Variants in RSPO2 observed in about 807,000 individuals in gnomAD.
RSPO2 encodes the protein R-spondin-2.
A neutral mutation model predicts 30.9 loss-of-function variants in RSPO2; 14 were observed. The ratio of observed to expected loss-of-function variants is 0.45; its 90% CI spans 0.30 to 0.71. The LOEUF (loss-of-function observed/expected upper bound fraction) is 0.71, where lower values mean the gene tolerates loss of function less well. RSPO2 is among the 30% of genes least tolerant of loss of function. The pLI is 0.08. For synonymous variants in RSPO2, 107 were observed against 96.4 expected, an observed-to-expected ratio of 1.11 and a Z score of -0.64; for missense variants, 264 against 301.9, an observed-to-expected ratio of 0.87 and a Z score of 0.93.
In RSPO2 at chr8:107,921,749, A is replaced by C. The variant is rs150930481; in HGVS notation, c.617-20559T>G. Among the ~76,000 whole-genome samples, 11 of 152,322 alleles carry C rather than the reference A, an allele frequency of 7.2e-5. No homozygotes were observed. The East Asian group carries it at 2.1e-3, about 29-fold the overall frequency. On this transcript the variant is annotated intron_variant, in intron 5 of 5. Transcript: ENST00000276659. Reference sequence around the variant, plus strand: ...GAATCCAAAGCATATCAAACAGCTTATCCACCATGATCAAGTAGCTTTTAT... The same window carrying C: ...GAATCCAAAGCATATCAAACAGCTTCTCCACCATGATCAAGTAGCTTTTAT...
At chr8:108,049,446 T>C (rs1812013757) in intron 2 of RSPO2, among the ~76,000 whole-genome samples, 1 of 151,896 alleles carries the variant, frequency 6.6e-6, no homozygotes, top group Non-Finnish European at 1.5e-5. Flanking sequence ...TGCAGGTTTG[T>C]TACATAGGTC....
chr8:108,007,894 T>C (rs6469154), intron 2 of RSPO2, among the ~76,000 whole-genome samples: 56,130 of 151,716 alleles, frequency 0.37, 11,369 homozygotes, highest in African/African-American at 0.52. Flanking sequence ...GCACCATAAT[T>C]AGGCCTGTGA....
intron 2 of RSPO2, 63 bp from the exon 3 acceptor site, chr8:107,989,307 C>A: frequency 9.7e-7 from 1 of 1,032,048 alleles, no homozygotes; most frequent in East Asian, 2.8e-5. Flanking sequence ...GGTAAATACA[C>A]CTGCTGAAAA....
At chr8:107,925,650 T>C (rs1309316188) in intron 5 of RSPO2, among the ~76,000 whole-genome samples, 2 of 151,474 alleles carry the variant, frequency 1.3e-5, no homozygotes, top group Admixed American at 6.6e-5. Context: ...TGAGAACATG[T>C]GGTGTTTGGT....
At chr8:108,064,179 C>T (rs200329974) in intron 2 of RSPO2, among the ~76,000 whole-genome samples, 6 of 151,886 alleles carry the variant, frequency 4.0e-5, no homozygotes, top group Non-Finnish European at 8.8e-5. Flanking sequence ...ATTGACAAAT[C>T]GGATCTAATT....
chr8:107,958,368 T>A (rs1433096591), intron 4 of RSPO2, 100 bp from the exon 5 acceptor site: 1 of 895,940 alleles, frequency 1.1e-6, no homozygotes, highest in South Asian at 1.7e-5. Flanking sequence ...GTTCCTTCAC[T>A]AACCCCACCT....
At chr8:108,043,786 C>A (rs1811827998) in intron 2 of RSPO2, among the ~76,000 whole-genome samples, 1 of 151,890 alleles carries the variant, frequency 6.6e-6, no homozygotes, top group South Asian at 2.1e-4. Flanking sequence ...GCTGTCCGAG[C>A]AGGGATGAGG....
intron 2 of RSPO2, among the ~76,000 whole-genome samples, chr8:108,081,287 C>G (rs920935301): frequency 6.6e-6 from 1 of 152,040 alleles, no homozygotes; most frequent in Non-Finnish European, 1.5e-5. Context: ...TCCTAAAAAG[C>G]CATCAAAAAA....
intron 2 of RSPO2, among the ~76,000 whole-genome samples, chr8:108,000,880 T>C (rs1171852572): frequency 6.6e-6 from 1 of 151,986 alleles, no homozygotes; most frequent in Non-Finnish European, 1.5e-5. Flanking sequence ...TGGGCGCCTG[T>C]AGTCCCAGCT....
At chr8:108,039,062 C>A (rs916359610) in intron 2 of RSPO2, among the ~76,000 whole-genome samples, 1 of 152,100 alleles carries the variant, frequency 6.6e-6, no homozygotes, top group African/African-American at 2.4e-5. Flanking sequence ...ATCAGTAGAT[C>A]AGTCTTCTAG....
chr8:108,006,954 A>G (rs1279353246), intron 2 of RSPO2, among the ~76,000 whole-genome samples: 1 of 152,164 alleles, frequency 6.6e-6, no homozygotes, highest in Non-Finnish European at 1.5e-5. Flanking sequence ...ACACCACCCT[A>G]TATTCTTCAG....
chr8:108,022,752 G>T (rs548900520), intron 2 of RSPO2, among the ~76,000 whole-genome samples: 1 of 151,704 alleles, frequency 6.6e-6, no homozygotes, highest in South Asian at 2.1e-4. Flanking sequence ...ATGGAGAAAC[G>T]CCATCTCTAC....
intron 5 of RSPO2, among the ~76,000 whole-genome samples, chr8:107,933,476 ATG>A (rs984397388): frequency 1.3e-5 from 2 of 151,988 alleles, no homozygotes; most frequent in African/African-American, 2.4e-5. Flanking sequence ...CTCTCTCTAT[ATG>A]TGTGTGTGTG....
intron 2 of RSPO2, among the ~76,000 whole-genome samples, chr8:108,069,362 C>T (rs1227131754): frequency 1.3e-5 from 2 of 152,110 alleles, no homozygotes; most frequent in Non-Finnish European, 2.9e-5. Flanking sequence ...TACAGGCATG[C>T]ACCACCCCAC....
intron 3 of RSPO2, among the ~76,000 whole-genome samples, chr8:107,968,392 A>G (rs2130463296): frequency 6.6e-6 from 1 of 152,252 alleles, no homozygotes; most frequent in South Asian, 2.1e-4. Flanking sequence ...TGGGAGCTAA[A>G]AAAGTAGATC....
intron 2 of RSPO2, among the ~76,000 whole-genome samples, chr8:108,069,259 G>A (rs13274011): frequency 0.3 from 46,050 of 151,862 alleles, 7,815 homozygotes; most frequent in African/African-American, 0.46. Context: ...TGTTGCCCAG[G>A]CTGGAGTGCA....
intron 5 of RSPO2, among the ~76,000 whole-genome samples, chr8:107,952,348 A>C (rs955561682): frequency 6.6e-6 from 1 of 152,082 alleles, no homozygotes; most frequent in Non-Finnish European, 1.5e-5. Flanking sequence ...TAGCCGGAGT[A>C]CCTGGAAAAT....
chr8:108,082,824 G>A lies in RSPO2; in HGVS notation c.-169-17C>T, dbSNP rs2130744359. ...GCCACGAACCTGAGAGACAAGAAGCGAAAACAGGGTGTGTGGGGGATGGAG... is the reference window on the plus strand; with the variant it reads ...GCCACGAACCTGAGAGACAAGAAGCAAAAACAGGGTGTGTGGGGGATGGAG... On this transcript the variant is annotated splice_polypyrimidine_tract_variant and intron_variant, in intron 1 of 5. Transcript: ENST00000276659. 3.5e-6 allele frequency: 2 copies of A among 573,146 alleles called. No individual in the cohort carries two copies. Among genetic ancestry groups the A allele is most frequent in the Non-Finnish European group, 6.2e-6 (2 of 322,704 alleles). 35.5% of individuals were successfully genotyped at this position (573,146 alleles called of 1,614,324 possible).
intron 2 of RSPO2, among the ~76,000 whole-genome samples, chr8:108,032,835 G>A (rs567270021): frequency 3.0e-4 from 45 of 151,762 alleles, no homozygotes; most frequent in African/African-American, 4.6e-4. Flanking sequence ...CGAGGCAGGC[G>A]GATCACAAGG....
Sources: gnomAD v4.1 joint callset for allele counts (sites outside exome capture counted in the v4.1 genomes callset) on GRCh38, gnomAD v4.1.1 for gene constraint, MANE v1.5 for transcripts, NCBI Gene and HGNC (gene_info 2026-07-23, HGNC 2026-07-21) for gene names.